Variants in EML5 observed in about 807,000 individuals in gnomAD.
The protein encoded by EML5 is EMAP like 5, also known as echinoderm microtubule-associated protein-like 5.
A neutral mutation model predicts 250.0 loss-of-function variants in EML5; 120 were observed. The ratio of observed to expected loss-of-function variants is 0.48; its 90% CI spans 0.41 to 0.56. The LOEUF (loss-of-function observed/expected upper bound fraction) is 0.56. Ranked by LOEUF, EML5 falls within the 20% of genes least tolerant of loss-of-function variation. The pLI is 0.00. For missense variants in EML5, 2,006 were observed against 2,437.6 expected (o/e 0.82, Z 3.73); for synonymous variants, 771 against 806.5 (o/e 0.96, Z 0.75).
chr14:88,778,709 G>A lies in EML5; in HGVS notation c.197+13598C>T, dbSNP rs573266588. On this transcript the variant is annotated intron_variant, in intron 1 of 43. Coordinates refer to ENST00000554922, the MANE Select transcript of EML5 (RefSeq NM_183387.3). ...CAGAGGAATCACTTAAACCAGGGAA[G>A]CGGAGGTTGCAGTGAGCCAAGAATG... 3.3e-5 allele frequency among the ~76,000 whole-genome samples: 5 copies of A among 152,346 alleles called. No individual in the cohort carries two copies. The South Asian group carries it at 8.3e-4, about 25-fold the overall frequency.
chr14:88,721,588 C>T lies in EML5; in HGVS notation c.1187+4953G>A, dbSNP rs555600054. Among the ~76,000 whole-genome samples, 4 of 152,238 alleles carry T rather than the reference C, an allele frequency of 2.6e-5. No individual in the cohort carries two copies. In the South Asian group the frequency reaches 6.2e-4, roughly 24 times the overall value. Reference sequence around the variant, plus strand: ...TATGCGGAAAACTGAAACTGGACCCCTTCCTTACACCTTATACAAAAATTA... The same window carrying T: ...TATGCGGAAAACTGAAACTGGACCCTTTCCTTACACCTTATACAAAAATTA... On this transcript the variant is annotated intron_variant, in intron 8 of 43. Transcript: ENST00000554922.
intron 2 of EML5, among the ~76,000 whole-genome samples, chr14:88,748,890 A>G (rs2094048053): frequency 6.6e-6 from 1 of 152,076 alleles, no homozygotes; most frequent in South Asian, 2.1e-4. Flanking sequence ...AAGTACAGAA[A>G]GAAAAAGAAA....
At chr14:88,782,496 C>T (rs1432622004) in intron 1 of EML5, among the ~76,000 whole-genome samples, 1 of 152,198 alleles carries the variant, frequency 6.6e-6, no homozygotes, top group Non-Finnish European at 1.5e-5. Context: ...CAGGCCATGT[C>T]AGAGACTTTT....
rs750194821 is a variant in EML5, at chr14:88,688,259, T to C, written c.2742+12A>G. 8.7e-6 allele frequency: 14 copies of C among 1,613,528 alleles called. No homozygotes were observed. In the East Asian group the frequency reaches 1.6e-4, roughly 18 times the overall value. On this transcript the variant is annotated intron_variant, in intron 18 of 43. Coordinates refer to ENST00000554922, the MANE Select transcript of EML5 (RefSeq NM_183387.3). ...AATTTTGTTTAATTTAAAATCTCTT[T>C]AGGTTACTTACTTTTTCCAATGCAT...
At chr14:88,658,446 CCATT>C (rs1222616785) in intron 25 of EML5, 58 bp from the exon 26 acceptor site, 1 of 1,329,558 alleles carries the variant, frequency 7.5e-7, no homozygotes, top group African/African-American at 1.5e-5. Context: ...TTAAATATTT[CCATT>C]ATGATTTTGA....
rs77685058 is a variant in EML5, at chr14:88,669,391, T to G, written c.3125-3902A>C. Among the ~76,000 whole-genome samples, 32 of 152,256 alleles carry G rather than the reference T, an allele frequency of 2.1e-4. 1 individual carries two copies. The East Asian group carries it at 6.0e-3, about 28-fold the overall frequency. ...CATCACTGCAGCTCCAGTCTGCCAT[T>G]TCTCCTCTGATGGTGCCTGGGAAAA... On this transcript the variant is annotated intron_variant, in intron 21 of 43. Coordinates refer to ENST00000554922, the MANE Select transcript of EML5 (RefSeq NM_183387.3).
Position 88,661,678 on chromosome 14 carries a change from C to T in EML5, c.3651G>A (p.Val1217=). The T allele has an allele frequency of 6.2e-7, 1 of 1,612,870 alleles. No individual in the cohort carries two copies. Among genetic ancestry groups the T allele is most frequent in the Non-Finnish European group, 8.5e-7 (1 of 1,179,508 alleles). The part of the protein sequence containing the change: ...VLATGDDLGF[V]KLFRYPTKGK... ...CTTTAGTAGGATATCTAAATAACTT[C>T]ACAAATCCCAAATCGTCCCCGGTAG... Residue 1217 remains valine, a synonymous_variant, in exon 25 of 44, where the codon GTG becomes GTA. Coordinates refer to ENST00000554922, the MANE Select transcript of EML5 (RefSeq NM_183387.3).
At chr14:88,663,801 C>G (rs192208253) in intron 23 of EML5, among the ~76,000 whole-genome samples, 9 of 151,516 alleles carry the variant, frequency 5.9e-5, no homozygotes, top group African/African-American at 2.2e-4. Context: ...TCCCAAAGTA[C>G]TGAGATTACA....
intron 34 of EML5, 68 bp from the exon 35 acceptor site, chr14:88,627,114 T>C (rs940046455): frequency 6.7e-7 from 1 of 1,501,964 alleles, no homozygotes; most frequent in Non-Finnish European, 9.2e-7. Context: ...ATCAAACAAA[T>C]ATGTAAAATA....
chr14:88,688,223 A>G (rs2092880961), intron 18 of EML5, 48 bp downstream of exon 18: 1 of 1,595,712 alleles, frequency 6.3e-7, no homozygotes, highest in Non-Finnish European at 8.6e-7. Context: ...AATGCTCTAC[A>G]CTCCAGGACA....
chr14:88,650,143 CATA>C (rs1416573990), intron 27 of EML5, among the ~76,000 whole-genome samples: 1 of 152,142 alleles, frequency 6.6e-6, no homozygotes, highest in African/African-American at 2.4e-5. Flanking sequence ...ACTTTAAATA[CATA>C]ATATTTGTTA....
intron 27 of EML5, among the ~76,000 whole-genome samples, chr14:88,653,278 A>G (rs1367755831): frequency 6.6e-6 from 1 of 152,138 alleles, no homozygotes; most frequent in African/African-American, 2.4e-5. Context: ...CTATTTGAAT[A>G]CCATTTATTT....
At chr14:88,650,849 C>G (rs560902824) in intron 27 of EML5, among the ~76,000 whole-genome samples, 2 of 152,108 alleles carry the variant, frequency 1.3e-5, no homozygotes, top group South Asian at 2.1e-4. Context: ...GCTGTGTTAC[C>G]CAGGCTGGTG....
chr14:88,673,493 T>A (rs1350032598), intron 21 of EML5, among the ~76,000 whole-genome samples: 2 of 152,182 alleles, frequency 1.3e-5, no homozygotes, highest in Non-Finnish European at 2.9e-5. Context: ...CTCTCACCAC[T>A]CCTATTCAAC....
chr14:88,714,691 C>G (rs1204446339), intron 9 of EML5, among the ~76,000 whole-genome samples: 1 of 151,856 alleles, frequency 6.6e-6, no homozygotes, highest in East Asian at 1.9e-4. Context: ...TCAATTATAC[C>G]TCAATAGAGT....
intron 1 of EML5, among the ~76,000 whole-genome samples, chr14:88,768,842 T>A (rs1445569340): frequency 1.3e-5 from 2 of 152,248 alleles, no homozygotes; most frequent in Non-Finnish European, 2.9e-5. Flanking sequence ...ATGAATATTT[T>A]ATTTCAAAAG....
chr14:88,630,392 T>C (rs191912331), intron 33 of EML5, among the ~76,000 whole-genome samples: 5 of 152,294 alleles, frequency 3.3e-5, no homozygotes, highest in African/African-American at 1.2e-4. Context: ...CAAGTGTATT[T>C]TGTCCTTTAG....
chr14:88,644,865 C>T (rs1324003455), intron 29 of EML5: 1 of 164,792 alleles, frequency 6.1e-6, no homozygotes, highest in Admixed American at 6.2e-5. Flanking sequence ...TGTGTGCCAC[C>T]ACACCAGATA....
In EML5 at chr14:88,705,661, G is replaced by C. The variant is rs2093304068; in HGVS notation, c.1826-73C>G. 4.6e-6 allele frequency: 5 copies of C among 1,080,084 alleles called. No homozygotes were observed. The South Asian group carries it at 5.5e-5, about 12-fold the overall frequency. The allele number at this position is 1,080,084 out of a possible 1,614,324, so 66.9% of individuals were successfully genotyped here. A position where few individuals can be genotyped will look rare whatever the true frequency, so the allele number is the denominator to read the frequency against. On this transcript the variant is annotated intron_variant, in intron 11 of 43. Coordinates refer to ENST00000554922, the MANE Select transcript of EML5 (RefSeq NM_183387.3). ...TTCAAAACAGCACTGAAAAATTAAT[G>C]ATTAAGAGCTATGTCAGTTGACATG...
Sources: allele counts gnomAD v4.1 joint callset (sites outside exome capture counted in the v4.1 genomes callset), GRCh38; gene constraint gnomAD v4.1.1; transcripts MANE v1.5; gene names NCBI Gene and HGNC (gene_info 2026-07-23, HGNC 2026-07-21).